LMO7: variants seen among roughly 807,000 people sequenced by gnomAD.
LMO7 encodes LIM domain only protein 7.
In LMO7, 120 loss-of-function variants were observed where a neutral mutation model predicts 206.5. The observed-to-expected ratio is 0.58, with a 90% confidence interval of 0.50 to 0.68. The LOEUF (loss-of-function observed/expected upper bound fraction) is 0.68. Among genes scored for constraint, LMO7 ranks in the 30% least tolerant of loss-of-function variants. The pLI, the probability that LMO7 is intolerant of heterozygous loss-of-function variation, is 0.00. For missense variants in LMO7, 1,959 were observed against 1,957.9 expected (o/e 1.00, Z -0.01); for synonymous variants, 706 against 681.5 (o/e 1.04, Z -0.56).
intron 2 of LMO7, among the ~76,000 whole-genome samples, chr13:75,722,459 A>G (rs2044102835): frequency 6.6e-6 from 1 of 152,222 alleles, no homozygotes; most frequent in African/African-American, 2.4e-5. Flanking sequence ...AGCATCGCTA[A>G]TAATCAGGGA....
At chr13:75,844,935 TG>T (rs2059866602) in intron 25 of LMO7, among the ~76,000 whole-genome samples, 1 of 152,104 alleles carries the variant, frequency 6.6e-6, no homozygotes, top group East Asian at 1.9e-4. Context: ...ATGATAACCC[TG>T]GGGAGTGTGG....
intron 2 of LMO7, among the ~76,000 whole-genome samples, chr13:75,624,713 G>A (rs142451039): frequency 2.0e-5 from 3 of 152,286 alleles, no homozygotes; most frequent in East Asian, 1.9e-4. Flanking sequence ...GGAAACTCCC[G>A]TTTTTAAAAC....
At chr13:75,714,206 G>T (rs1233629918) in intron 2 of LMO7, among the ~76,000 whole-genome samples, 1 of 152,064 alleles carries the variant, frequency 6.6e-6, no homozygotes, top group South Asian at 2.1e-4. Flanking sequence ...ATTATTTTTG[G>T]ACCTTTGAAT....
At chr13:75,847,595 G>T (rs567249018) in intron 26 of LMO7, among the ~76,000 whole-genome samples, 6 of 152,196 alleles carry the variant, frequency 3.9e-5, no homozygotes, top group African/African-American at 1.4e-4. Context: ...TCCCCAGGGA[G>T]AGTATATATT....
At chr13:75,856,773 G>A (rs2060997280) in intron 30 of LMO7, 165 bp downstream of exon 30, 5 of 556,792 alleles carry the variant, frequency 9.0e-6, no homozygotes, top group Non-Finnish European at 1.3e-5. Flanking sequence ...TATAGTGAAT[G>A]GGTCACTGCT....
intron 1 of LMO7, among the ~76,000 whole-genome samples, chr13:75,650,895 A>G (rs773218575): frequency 1.3e-5 from 2 of 152,170 alleles, no homozygotes; most frequent in African/African-American, 4.8e-5. Flanking sequence ...CAACTTTAAG[A>G]TCTTTCCAAG....
chr13:75,664,856 T>C (rs936330363), intron 1 of LMO7, among the ~76,000 whole-genome samples: 3 of 152,214 alleles, frequency 2.0e-5, no homozygotes, highest in African/African-American at 7.2e-5. Context: ...AGAGATGTTA[T>C]GTAGATTTTT....
chr13:75,626,595 A>ATATATATATATATATATTTTTTTTT, intron 2 of LMO7, among the ~76,000 whole-genome samples: 8 of 71,148 alleles, frequency 1.1e-4, no homozygotes, highest in Admixed American at 4.4e-4. Flanking sequence ...ATATATATAA[A>ATATATATATATATATATTTTTTTTT]TTTTTTTGAG....
At chr13:75,680,668 C>T (rs778699974) in intron 1 of LMO7, among the ~76,000 whole-genome samples, 5 of 151,912 alleles carry the variant, frequency 3.3e-5, no homozygotes, top group Non-Finnish European at 7.4e-5. Flanking sequence ...TTTGCTGCAC[C>T]CATCAACCCG....
chr13:75,644,139 G>GTTT (rs113811916), intron 1 of LMO7, among the ~76,000 whole-genome samples: 1 of 148,094 alleles, frequency 6.8e-6, no homozygotes, highest in African/African-American at 2.5e-5. Context: ...CTAGTGAAGT[G>GTTT]TTTTTTTTTT....
intron 1 of LMO7, among the ~76,000 whole-genome samples, chr13:75,640,945 A>G (rs2036474664): frequency 6.6e-6 from 1 of 152,310 alleles, no homozygotes; most frequent in Non-Finnish European, 1.5e-5. Context: ...ACTGCCGTCC[A>G]CTTGATGATT....
intron 3 of LMO7, among the ~76,000 whole-genome samples, chr13:75,732,761 C>G (rs1442887605): frequency 6.6e-6 from 1 of 152,102 alleles, no homozygotes; most frequent in Non-Finnish European, 1.5e-5. Context: ...GTTTTGTCGG[C>G]TTTTGGTCTT....
At chr13:75,842,958 C>A in intron 25 of LMO7, 42 bp downstream of exon 25, 1 of 1,216,286 alleles carries the variant, frequency 8.2e-7, no homozygotes, top group Non-Finnish European at 1.2e-6. Flanking sequence ...ATGATAATGG[C>A]TTCAGACAAT....
At position 75,849,123 on chromosome 13, in the gene LMO7, C is replaced by T. The variant is rs754659906; in HGVS notation, c.4195C>T (p.Gln1399Ter). The change falls in exon 27 of 31, where the codon CAG becomes TAG. Residue 1399 changes from glutamine to a stop codon, truncating the protein, a stop_gained. Coordinates refer to ENST00000377534, the MANE Select transcript of LMO7 (RefSeq NM_001306080.2). LOFTEE classifies it high-confidence loss of function. ...LDQIGNMTSSQRRSKKEQVPS... is the reference protein window; with the variant it reads ...LDQIGNMTSS ...CCAAATTGGGAACATGACCTCTTCACAGAGGAGATCCAAGAAAGAACAAGT... is the reference window on the plus strand; with the variant it reads ...CCAAATTGGGAACATGACCTCTTCATAGAGGAGATCCAAGAAAGAACAAGT... The T allele has an allele frequency of 3.1e-6, 5 of 1,611,668 alleles. No individual in the cohort carries two copies. Among genetic ancestry groups the T allele is most frequent in the Non-Finnish European group, 4.2e-6 (5 of 1,177,744 alleles).
At chr13:75,737,097 A>T (rs2045890142) in intron 3 of LMO7, among the ~76,000 whole-genome samples, 1 of 152,112 alleles carries the variant, frequency 6.6e-6, no homozygotes, top group Admixed American at 6.5e-5. Flanking sequence ...AGATGATATA[A>T]CTAGTTATAA....
At chr13:75,677,863 A>G (rs984856710) in intron 1 of LMO7, among the ~76,000 whole-genome samples, 7 of 137,920 alleles carry the variant, frequency 5.1e-5, no homozygotes, top group Admixed American at 8.2e-5. Context: ...TCATTGTTCA[A>G]TTCCCACCTA....
At chr13:75,824,792 C>A (rs2057952302) in intron 15 of LMO7, among the ~76,000 whole-genome samples, 2 of 151,890 alleles carry the variant, frequency 1.3e-5, no homozygotes, top group Admixed American at 6.6e-5. Context: ...ATATATATGA[C>A]TTGTCCTAAG....
rs369522586 is a variant in LMO7, at chr13:75,807,708, A to G, written c.1425A>G (p.Pro475=). Residue 475 remains proline (P), a synonymous_variant, in exon 10 of 31, where the codon CCA becomes CCG. Coordinates refer to ENST00000377534, the MANE Select transcript of LMO7 (RefSeq NM_001306080.2). ...AGACTGGGGCTTTCCATGCAAATCC[A>G]TATGTTCTCCGAGCTTTTGAAGACT... ...VRKTGAFHAN[P]YVLRAFEDFR... 19 of 1,613,898 alleles carry G rather than the reference A, an allele frequency of 1.2e-5. No individual in the cohort carries two copies. The highest frequency in any genetic ancestry group is 9.9e-5 in the South Asian group (9 of 91,092).
At position 75,769,305 on chromosome 13, in the gene LMO7, A is replaced by G. The variant is rs184050494; in HGVS notation, c.317+8267A>G. 6.6e-5 allele frequency among the ~76,000 whole-genome samples: 10 copies of G among 152,012 alleles called. No individual in the cohort carries two copies. In the East Asian group the frequency reaches 1.9e-3, roughly 29 times the overall value. ...GGTGGCATTGGTTGTTGGTGGATTTATCCTTTGTTTTTCAGAGACATGCCT... is the reference window on the plus strand; with the variant it reads ...GGTGGCATTGGTTGTTGGTGGATTTGTCCTTTGTTTTTCAGAGACATGCCT... On this transcript the variant is annotated intron_variant, in intron 4 of 30. Coordinates refer to ENST00000377534, the MANE Select transcript of LMO7 (RefSeq NM_001306080.2).
Sources: allele counts gnomAD v4.1 joint callset (sites outside exome capture counted in the v4.1 genomes callset), GRCh38; gene constraint gnomAD v4.1.1; transcripts MANE v1.5; gene names NCBI Gene and HGNC (gene_info 2026-07-23, HGNC 2026-07-21).